TNS4: variants seen among roughly 807,000 people sequenced by gnomAD.
TNS4 encodes tensin-4.
A neutral mutation model predicts 70.4 loss-of-function variants in TNS4; 46 were observed. The ratio of observed to expected loss-of-function variants is 0.65; its 90% CI spans 0.52 to 0.84. The LOEUF is 0.84. TNS4 is among the 40% of genes least tolerant of loss of function. TNS4 has a pLI of 0.00. For missense variants in TNS4, 863 were observed against 907.0 expected (o/e 0.95, Z 0.62); for synonymous variants, 390 against 366.6 (o/e 1.06, Z -0.73).
In TNS4 at chr17:40,488,554, C is replaced by G; in HGVS notation, c.855G>C (p.Met285Ile). Residue 285 changes from methionine to isoleucine, a missense_variant, in exon 3 of 13, where the codon ATG becomes ATC. Coordinates refer to ENST00000254051, the MANE Select transcript of TNS4 (RefSeq NM_032865.6). ...GAAGCTACAGAACCTACCTTCCAAACATATAGCTGACATCAGACACTGGGC... is the reference window on the plus strand; with the variant it reads ...GAAGCTACAGAACCTACCTTCCAAAGATATAGCTGACATCAGACACTGGGC... ...SASPVSDVSY[M>I]FGSSQSLLHS... 1 of 1,508,014 alleles carries G rather than the reference C, an allele frequency of 6.6e-7. No homozygotes were observed. Among genetic ancestry groups the G allele is most frequent in the Middle Eastern group, 1.8e-4 (1 of 5,554 alleles). The allele number at this position is 1,508,014 out of a possible 1,614,324, so 93.4% of individuals were successfully genotyped here. A position where few individuals can be genotyped will look rare whatever the true frequency, so the allele number is the denominator to read the frequency against.
intron 2 of TNS4, among the ~76,000 whole-genome samples, 198 bp downstream of exon 2, chr17:40,495,789 A>G (rs1015918382): frequency 1.9e-4 from 29 of 152,194 alleles, no homozygotes; most frequent in Admixed American, 1.5e-3. Context: ...TCAGGAACCA[A>G]ATAGAATTGG....
chr17:40,501,590 C>T lies in TNS4; in HGVS notation c.-152G>A, dbSNP rs184791074. 683 of 152,360 alleles carry T rather than the reference C, an allele frequency of 4.5e-3. 4 individuals are homozygous for T. The highest frequency in any genetic ancestry group is 0.016 in the African/African-American group (654 of 41,560). The allele number at this position is 152,360 out of a possible 1,614,324, so 9.4% of individuals were successfully genotyped here. The stretch of plus-strand genomic sequence containing the variant: ...TCACTACTGGCTCCTGGGACCAAGA[C>T]GACTCAGAGTCCAGGTGAAGAGTCA... On this transcript the variant is annotated 5_prime_UTR_variant, in exon 1 of 13. Transcript: ENST00000254051.
Position 40,479,685 on chromosome 17 carries a change from A to G in TNS4, c.1899T>C (p.Asp633=). 3 of 1,613,678 alleles carry G rather than the reference A, an allele frequency of 1.9e-6. No homozygotes were observed. ...KVTEQGITLT[D]VQRKVFFRRH... ...GGGAAGGCCCTTACTTCCTCTGGAC[A>G]TCAGTCAGAGTGATGCCCTGCTCTG... Residue 633 remains aspartate (D), a synonymous_variant, in exon 10 of 13, where the codon GAT becomes GAC. Coordinates refer to ENST00000254051, the MANE Select transcript of TNS4 (RefSeq NM_032865.6).
chr17:40,482,916 G>A (rs2035945722), intron 6 of TNS4, among the ~76,000 whole-genome samples: 1 of 151,824 alleles, frequency 6.6e-6, no homozygotes, highest in South Asian at 2.1e-4. Context: ...TGGGGGTGGG[G>A]TGGGGAAACC....
intron 1 of TNS4, 45 bp from the exon 2 acceptor site, chr17:40,496,565 AG>A (rs1162075661): frequency 2.8e-5 from 24 of 843,010 alleles, no homozygotes; most frequent in Non-Finnish European, 3.9e-5. Flanking sequence ...CTGTAGGTGA[AG>A]CCCCTGCCTC....
At chr17:40,489,619 C>T (rs2143811488) in intron 2 of TNS4, among the ~76,000 whole-genome samples, 1 of 152,098 alleles carries the variant, frequency 6.6e-6, no homozygotes, top group South Asian at 2.1e-4. Flanking sequence ...ACCAGCCTGG[C>T]CAACATGGCA....
At chr17:40,481,396 G>T (rs540016237) in intron 8 of TNS4, among the ~76,000 whole-genome samples, 1 of 151,070 alleles carries the variant, frequency 6.6e-6, no homozygotes, top group Non-Finnish European at 1.5e-5. Flanking sequence ...TTGCTCTGTC[G>T]CTCTGTCACC....
chr17:40,479,031 C>T (rs904179375), intron 10 of TNS4, among the ~76,000 whole-genome samples: 9 of 152,194 alleles, frequency 5.9e-5, no homozygotes, highest in African/African-American at 1.9e-4. Context: ...GGGGAAGGAA[C>T]GATCTCATTC....
chr17:40,483,500 A>C (rs1036170892), intron 6 of TNS4, among the ~76,000 whole-genome samples: 2 of 152,140 alleles, frequency 1.3e-5, no homozygotes, highest in Non-Finnish European at 2.9e-5. Context: ...TGTGCCTGGC[A>C]AGGAAACTTC....
chr17:40,487,855 C>T (rs908255975), intron 3 of TNS4, among the ~76,000 whole-genome samples: 1 of 152,206 alleles, frequency 6.6e-6, no homozygotes, highest in African/African-American at 2.4e-5. Context: ...CACACCGTGG[C>T]TGATGCAGAG....
In TNS4 at chr17:40,496,299, A is replaced by G. The variant is rs550478960; in HGVS notation, c.127T>C (p.Tyr43His). Residue 43 changes from tyrosine (Y) to histidine (H), a missense_variant, in exon 2 of 13, where the codon TAC (tyrosine) becomes CAC (histidine). Coordinates refer to ENST00000254051, the MANE Select transcript of TNS4 (RefSeq NM_032865.6). The stretch of plus-strand genomic sequence containing the variant: ...TGGGCTCCCCAGCCTTCCGTGGTGT[A>G]GTAAGAACACTGGGGTGGCAGGCTG... The part of the protein sequence containing the change: ...SPSLPPQCSY[Y>H]TTEGWGAQAL... 1.9e-6 allele frequency: 3 copies of G among 1,613,348 alleles called. No individual in the cohort carries two copies. The highest frequency in any genetic ancestry group is 2.5e-6 in the Non-Finnish European group (3 of 1,179,646).
At chr17:40,489,472 G>C (rs549265026) in intron 2 of TNS4, among the ~76,000 whole-genome samples, 24 of 152,172 alleles carry the variant, frequency 1.6e-4, no homozygotes, top group Non-Finnish European at 3.2e-4. Context: ...GGTTGTACCA[G>C]TGACACTTTC....
chr17:40,486,067 G>A (rs2035986106), intron 4 of TNS4, among the ~76,000 whole-genome samples: 1 of 152,156 alleles, frequency 6.6e-6, no homozygotes, highest in Non-Finnish European at 1.5e-5. Flanking sequence ...CGATGGCCGA[G>A]GGAGGGGGAA....
intron 9 of TNS4, 165 bp from the exon 10 acceptor site, chr17:40,480,007 G>T: frequency 1.2e-6 from 1 of 834,450 alleles, no homozygotes. Flanking sequence ...ACAGTTTGAG[G>T]CCAACCCCAG....
At chr17:40,489,633 C>T (rs1399391961) in intron 2 of TNS4, among the ~76,000 whole-genome samples, 1 of 151,970 alleles carries the variant, frequency 6.6e-6, no homozygotes, top group African/African-American at 2.4e-5. Flanking sequence ...CATGGCAAAC[C>T]CCATCTCTAC....
chr17:40,484,846 T>C, intron 5 of TNS4, 75 bp downstream of exon 5: 1 of 1,557,830 alleles, frequency 6.4e-7, no homozygotes, highest in Non-Finnish European at 8.8e-7. Flanking sequence ...ATTCCTTAAC[T>C]GTAACCCAGG....
chr17:40,486,930 A>C, intron 4 of TNS4, 106 bp downstream of exon 4: 1 of 1,428,154 alleles, frequency 7.0e-7, no homozygotes, highest in East Asian at 2.3e-5. Flanking sequence ...TGCCAGACAC[A>C]CAATAGTTGC....
chr17:40,487,040 T>C lies in TNS4; in HGVS notation c.1284A>G (p.Pro428=). 6.2e-7 allele frequency: 1 copy of C among 1,613,694 alleles called. No individual in the cohort carries two copies. Among genetic ancestry groups the C allele is most frequent in the Non-Finnish European group, 8.5e-7 (1 of 1,179,594 alleles). ...AAATATTGGTTTACGACGTACCCTC[T>C]GGGCATGTGGTAAAGGGGGCATCTG... is the stretch of plus-strand genomic sequence containing the variant. The part of the protein sequence containing the change: ...TLSDAPFTTC[P]EGPARDMQPT... The change falls in exon 4 of 13, where the codon CCA becomes CCG. Residue 428 remains proline, a synonymous_variant. Coordinates refer to ENST00000254051, the MANE Select transcript of TNS4 (RefSeq NM_032865.6).
intron 2 of TNS4, among the ~76,000 whole-genome samples, chr17:40,490,525 A>C (rs1221072939): frequency 1.3e-5 from 2 of 152,154 alleles, no homozygotes; most frequent in East Asian, 1.9e-4. Context: ...GGGCCCTGGC[A>C]CATGCACTGT....
Sources: gnomAD v4.1 joint callset for allele counts (sites outside exome capture counted in the v4.1 genomes callset) on GRCh38, gnomAD v4.1.1 for gene constraint, MANE v1.5 for transcripts, NCBI Gene and HGNC (gene_info 2026-07-23, HGNC 2026-07-21) for gene names.